EIF2AK3: variants seen among roughly 807,000 people sequenced by gnomAD.
The protein encoded by EIF2AK3 is eukaryotic translation initiation factor 2-alpha kinase 3.
EIF2AK3 carries 50 observed loss-of-function variants against 113.5 expected under a neutral mutation model. That is an observed-to-expected ratio of 0.44 (90% CI 0.35 to 0.56). The LOEUF is 0.56. Ranked by LOEUF, EIF2AK3 falls within the 20% of genes least tolerant of loss-of-function variation. The pLI, the probability that EIF2AK3 is intolerant of heterozygous loss-of-function variation, is 0.00. For synonymous variants in EIF2AK3, 448 were observed against 495.4 expected, an observed-to-expected ratio of 0.90 and a Z score of 1.27; for missense variants, 1,185 against 1,378.0, an observed-to-expected ratio of 0.86 and a Z score of 2.22.
chr2:88,620,095 CCA>C (rs1675684443), intron 1 of EIF2AK3, among the ~76,000 whole-genome samples: 1 of 152,186 alleles, frequency 6.6e-6, no homozygotes, highest in African/African-American at 2.4e-5. Flanking sequence ...TCTCTTCTTC[CCA>C]CAGTTTTGTT....
Position 88,588,873 on chromosome 2 carries a change from C to A in EIF2AK3, c.1194G>T (p.Gln398His), listed in dbSNP as rs1349144870. 3.1e-6 allele frequency: 5 copies of A among 1,613,830 alleles called. No homozygotes were observed. The highest frequency in any genetic ancestry group is 4.2e-6 in the Non-Finnish European group (5 of 1,179,862). ...LGMYRGQLYL[Q>H]SSVRISEKFP... The stretch of plus-strand genomic sequence containing the variant: ...ACTTTTCTGAAATTCTGACTGATGA[C>A]TGCAGATACAGCTGGCCTCTATACA... Residue 398 changes from glutamine to histidine, a missense_variant, in exon 7 of 17, where the codon CAG becomes CAT. Physicochemically the swap from Gln to His is conservative, Grantham distance 24. Transcript: ENST00000303236.
chr2:88,572,545 C>T (rs907744549), intron 13 of EIF2AK3, among the ~76,000 whole-genome samples: 4 of 152,158 alleles, frequency 2.6e-5, no homozygotes, highest in East Asian at 1.9e-4. Context: ...TTTCTCTCCA[C>T]CCTCTACCCC....
intron 3 of EIF2AK3, 55 bp downstream of exon 3, chr2:88,595,414 T>C (rs1339959612): frequency 7.8e-6 from 12 of 1,546,066 alleles, no homozygotes; most frequent in South Asian, 1.1e-5. Flanking sequence ...TAAATTACTT[T>C]TTCTACCCTA....
Position 88,575,008 on chromosome 2 carries a change from AT to A in EIF2AK3, c.2474del (p.Asn825IlefsTer13), listed in dbSNP as rs1674418042. The A allele has an allele frequency of 6.2e-7, 1 of 1,614,072 alleles. No individual in the cohort carries two copies. The highest frequency in any genetic ancestry group is 8.5e-7 in the Non-Finnish European group (1 of 1,180,036). ...NASSKEEPKT[N>X]RLHIGNHCAN... ...CACAATGGTTGCCAATATGCAATCG[AT>A]TAGTTTTCGGCTCTTCTTTACTGGA... is the stretch of plus-strand genomic sequence containing the variant. On this transcript the variant is annotated frameshift_variant, in exon 13 of 17. Transcript: ENST00000303236. LOFTEE classifies it high-confidence loss of function.
chr2:88,623,023 T>C (rs1267087317), intron 1 of EIF2AK3, among the ~76,000 whole-genome samples: 2 of 152,196 alleles, frequency 1.3e-5, no homozygotes, highest in East Asian at 1.9e-4. Context: ...ATACTTTTGT[T>C]AGAGAGGAAT....
chr2:88,565,400 G>A (rs1674086381), intron 14 of EIF2AK3, among the ~76,000 whole-genome samples: 1 of 150,734 alleles, frequency 6.6e-6, no homozygotes, highest in African/African-American at 2.4e-5. Context: ...GAGCACGGTG[G>A]CATGACCTTG....
chr2:88,566,835 C>CT (rs956905800), intron 14 of EIF2AK3, among the ~76,000 whole-genome samples: 3 of 152,122 alleles, frequency 2.0e-5, no homozygotes, highest in Admixed American at 2.0e-4. Flanking sequence ...GTAATCCCAG[C>CT]TACTTGGAAG....
chr2:88,593,948 A>G, intron 3 of EIF2AK3: 1 of 991,276 alleles, frequency 1.0e-6, no homozygotes, highest in South Asian at 4.6e-5. Context: ...CAGCACATCA[A>G]ATCGGAAAAC....
At chr2:88,569,757 C>T (rs370769213) in intron 14 of EIF2AK3, among the ~76,000 whole-genome samples, 234 of 152,234 alleles carry the variant, frequency 1.5e-3, no homozygotes, top group South Asian at 7.5e-3. Context: ...GTTTTAGATT[C>T]CACAGTGTAA....
intron 14 of EIF2AK3, among the ~76,000 whole-genome samples, chr2:88,570,088 A>C (rs1252607849): frequency 6.6e-6 from 1 of 152,156 alleles, no homozygotes; most frequent in Non-Finnish European, 1.5e-5. Context: ...TTTTCATAAA[A>C]ATATCTTAAG....
At chr2:88,566,343 C>G (rs115759761) in intron 14 of EIF2AK3, among the ~76,000 whole-genome samples, 1,779 of 152,152 alleles carry the variant, frequency 0.012, 41 homozygotes, top group African/African-American at 0.04. Flanking sequence ...AAGATGGGGT[C>G]TATTTTGCCC....
rs759708667 is a variant in EIF2AK3 at position 88,595,567 on chromosome 2, C to T, written c.535G>A (p.Glu179Lys). ...ESMETVPFTV[E>K]SLLESSYKFG... ...TTATAAGAAGATTCAAGAAGTGATT[C>T]AACTGTGAAAGGAACTGTTTCCATG... Residue 179 changes from glutamate (E) to lysine (K), a missense_variant, in exon 3 of 17, where the codon GAA becomes AAA. Glu to Lys is a moderately conservative substitution (Grantham distance 56). This residue lies in a region of EIF2AK3 where 119 missense variants were observed against 178.7 expected (regional missense o/e 0.67). Transcript: ENST00000303236. The T allele has an allele frequency of 6.2e-7, 1 of 1,613,968 alleles. No individual in the cohort carries two copies. Among genetic ancestry groups the T allele is most frequent in the South Asian group, 1.1e-5 (1 of 91,072 alleles).
chr2:88,560,326 T>G (rs1372149799), intron 15 of EIF2AK3, among the ~76,000 whole-genome samples: 3 of 152,220 alleles, frequency 2.0e-5, no homozygotes, highest in African/African-American at 4.8e-5. Flanking sequence ...TTGTAATAGT[T>G]CTTTATGTAT....
intron 3 of EIF2AK3, among the ~76,000 whole-genome samples, chr2:88,595,226 A>C (rs1573409244): frequency 6.6e-6 from 1 of 150,886 alleles, no homozygotes; most frequent in African/African-American, 2.4e-5. Context: ...AAAAAAAAAA[A>C]AAACACCTGA....
intron 2 of EIF2AK3, 78 bp downstream of exon 2, chr2:88,613,646 G>A: frequency 1.3e-6 from 2 of 1,541,398 alleles, no homozygotes; most frequent in Non-Finnish European, 9.0e-7. Flanking sequence ...CTGGGCAATA[G>A]GGCCCCAAAC....
intron 2 of EIF2AK3, among the ~76,000 whole-genome samples, chr2:88,610,435 C>T (rs1299236773): frequency 6.6e-6 from 1 of 152,178 alleles, no homozygotes; most frequent in Non-Finnish European, 1.5e-5. Context: ...AAAACTTCCA[C>T]TTGTTTTGGC....
intron 2 of EIF2AK3, among the ~76,000 whole-genome samples, chr2:88,604,739 G>A (rs1337577515): frequency 6.6e-6 from 1 of 152,186 alleles, no homozygotes; most frequent in East Asian, 1.9e-4. Context: ...TCCCACTAGG[G>A]TTGTCCTAGA....
Position 88,557,665 on chromosome 2 carries a change from T to A in EIF2AK3, c.*71A>T. ...GAACAAACTTTTCAAGTCTGCAATT[T>A]TGGACAGGCATATTCTAAGAAGTAG... On this transcript the variant is annotated 3_prime_UTR_variant, in exon 17 of 17. Coordinates refer to ENST00000303236, the MANE Select transcript of EIF2AK3 (RefSeq NM_004836.7). The A allele has an allele frequency of 6.5e-7, 1 of 1,535,150 alleles. No homozygotes were observed. The highest frequency in any genetic ancestry group is 9.0e-7 in the Non-Finnish European group (1 of 1,108,434).
chr2:88,569,289 G>A lies in EIF2AK3; in HGVS notation c.2985+1585C>T, dbSNP rs72846120. On this transcript the variant is annotated intron_variant, in intron 14 of 16. Transcript: ENST00000303236. ...AGGCTGAGGTTCAAGGATGGCTTGC[G>A]GCCAGAAGTTCAAAACTAGTCTGGG... Among the ~76,000 whole-genome samples the A allele has an allele frequency of 3.7e-3, 561 of 151,766 alleles. 4 individuals are homozygous for A. The highest frequency in any genetic ancestry group is 6.4e-3 in the Non-Finnish European group (435 of 67,898).
Sources: allele counts gnomAD v4.1 joint callset (sites outside exome capture counted in the v4.1 genomes callset), GRCh38; gene constraint gnomAD v4.1.1; regional missense constraint gnomAD v4.1.1; transcripts MANE v1.5; gene names NCBI Gene and HGNC (gene_info 2026-07-23, HGNC 2026-07-21).